The following PSMD11 variants were observed in gnomAD, a reference collection of about 807,000 sequenced individuals.
PSMD11 encodes proteasome 26S subunit, non-ATPase 11, also known as 26S proteasome non-ATPase regulatory subunit 11.
Under a neutral mutation model 62.3 loss-of-function variants are expected in PSMD11, and 5 were observed. That is an observed-to-expected ratio of 0.08 (90% CI 0.04 to 0.17). The LOEUF is 0.17. Ranked by LOEUF, PSMD11 falls within the 10% of genes least tolerant of loss-of-function variation. The pLI is 1.00. For synonymous variants in PSMD11, 191 were observed against 191.8 expected (o/e 1.00, Z 0.03); for missense variants, 310 against 512.9 (o/e 0.60, Z 3.82).
intron 2 of PSMD11, among the ~76,000 whole-genome samples, chr17:32,452,215 A>G (rs1467983206): frequency 2.6e-5 from 4 of 152,234 alleles, no homozygotes; most frequent in African/African-American, 4.8e-5. Flanking sequence ...AAAATTTACT[A>G]TCTGGCTCTT....
chr17:32,470,101 T>C (rs1350839467), intron 6 of PSMD11, among the ~76,000 whole-genome samples: 1 of 151,834 alleles, frequency 6.6e-6, no homozygotes, highest in Non-Finnish European at 1.5e-5. Flanking sequence ...CAGCCTCAAC[T>C]TCCTGGGCTC....
intron 3 of PSMD11, 24 bp downstream of exon 3, chr17:32,454,643 G>T (rs1331692316): frequency 6.2e-7 from 1 of 1,608,730 alleles, no homozygotes; most frequent in Non-Finnish European, 8.5e-7. Flanking sequence ...ATGACAGAAA[G>T]TAGACAATAT....
chr17:32,463,375 T>C (rs1907898968), intron 3 of PSMD11: 1 of 152,164 alleles, frequency 6.6e-6, no homozygotes, highest in Admixed American at 6.6e-5. Flanking sequence ...AAATTTTTTT[T>C]AAGACTAGTC....
At chr17:32,456,215 A>G (rs528295221) in intron 3 of PSMD11, among the ~76,000 whole-genome samples, 12 of 152,102 alleles carry the variant, frequency 7.9e-5, no homozygotes, top group African/African-American at 2.4e-4. Flanking sequence ...CTTAAAATAG[A>G]CTGATCAGTA....
chr17:32,462,762 C>T (rs1907878559), intron 3 of PSMD11, among the ~76,000 whole-genome samples: 1 of 152,288 alleles, frequency 6.6e-6, no homozygotes, highest in Admixed American at 6.5e-5. Flanking sequence ...TCTCGGCTCA[C>T]CGCAACCTCC....
chr17:32,480,609 A>AGT lies in PSMD11; in HGVS notation c.1247_1248insGT (p.Asn416LysfsTer7). The AGT allele has an allele frequency of 6.2e-7, 1 of 1,614,208 alleles. No homozygotes were observed. Among genetic ancestry groups the AGT allele is most frequent in the Non-Finnish European group, 8.5e-7 (1 of 1,180,034 alleles). On this transcript the variant is annotated frameshift_variant, in exon 13 of 14. Transcript: ENST00000261712. LOFTEE classifies it high-confidence loss of function. ...AGCAAAGTAGTGGATTCCCTCTACA[A>AGT]CAAAGCCAAGAAACTGACATAGGTG... is the stretch of plus-strand genomic sequence containing the variant.
At position 32,474,829 on chromosome 17, in the gene PSMD11, G is replaced by T. The variant is rs1908271551; in HGVS notation, c.849+5G>T. On this transcript the variant is annotated splice_donor_5th_base_variant and intron_variant, in intron 8 of 13. Coordinates refer to ENST00000261712, the MANE Select transcript of PSMD11 (RefSeq NM_002815.4). The stretch of plus-strand genomic sequence containing the variant: ...CTTCGGTATGCAGGGAGGCAGGTAG[G>T]GACTCCCTTGACTGCAGTTCTGCTC... The T allele has an allele frequency of 6.2e-7, 1 of 1,612,352 alleles. No individual in the cohort carries two copies. Among genetic ancestry groups the T allele is most frequent in the Non-Finnish European group, 8.5e-7 (1 of 1,178,590 alleles).
chr17:32,457,945 T>C (rs1907698933), intron 3 of PSMD11, among the ~76,000 whole-genome samples: 1 of 151,836 alleles, frequency 6.6e-6, no homozygotes, highest in African/African-American at 2.4e-5. Context: ...GGATTACAGG[T>C]GCCCGCCACT....
At chr17:32,469,472 C>T (rs1908096341) in intron 6 of PSMD11, among the ~76,000 whole-genome samples, 1 of 152,202 alleles carries the variant, frequency 6.6e-6, no homozygotes, top group South Asian at 2.1e-4. Flanking sequence ...AGCTCTTAGC[C>T]ACTTACTCAG....
In PSMD11 at chr17:32,480,470, G is replaced by T. The variant is rs751313992; in HGVS notation, c.1127-19G>T. The T allele has an allele frequency of 6.2e-7, 1 of 1,614,098 alleles. No homozygotes were observed. Among genetic ancestry groups the T allele is most frequent in the Admixed American group, 1.7e-5 (1 of 60,014 alleles). The stretch of plus-strand genomic sequence containing the variant: ...TCTAACCTCATCTTTTACCTGGGTT[G>T]CCCTTGTGTTTCTTGCAGGGATTTT... On this transcript the variant is annotated intron_variant, in intron 12 of 13. Transcript: ENST00000261712.
intron 3 of PSMD11, among the ~76,000 whole-genome samples, chr17:32,459,689 G>A (rs1162495611): frequency 6.6e-6 from 1 of 152,090 alleles, no homozygotes; most frequent in South Asian, 2.1e-4. Flanking sequence ...TTTTTGAGAT[G>A]GAGTCTTACT....
chr17:32,466,068 T>C (rs1180425107), intron 5 of PSMD11, among the ~76,000 whole-genome samples: 1 of 151,670 alleles, frequency 6.6e-6, no homozygotes, highest in Non-Finnish European at 1.5e-5. Context: ...TGATGTTGGC[T>C]CACTGCAACC....
At chr17:32,459,071 G>A (rs1387958854) in intron 3 of PSMD11, among the ~76,000 whole-genome samples, 1 of 143,222 alleles carries the variant, frequency 7.0e-6, no homozygotes, top group African/African-American at 2.6e-5. Context: ...CTCCAGCCCG[G>A]GCAAGAGTAA....
Position 32,469,173 on chromosome 17 carries a change from CCACCTTGGACAT to C in PSMD11, c.624_635del (p.Thr209_Met212del). 1 of 1,613,698 alleles carries C rather than the reference CCACCTTGGACAT, an allele frequency of 6.2e-7. No individual in the cohort carries two copies. The highest frequency in any genetic ancestry group is 8.5e-7 in the Non-Finnish European group (1 of 1,179,864). On this transcript the variant is annotated inframe_deletion, in exon 6 of 14. Transcript: ENST00000261712. ...ATCTACTGCCCCCCTAAATTGCAGG[CCACCTTGGACAT>C]GCAGTCGGGTAACAGACGTAGCTAT...
At chr17:32,476,277 A>G (rs1384129035) in intron 8 of PSMD11, among the ~76,000 whole-genome samples, 1 of 152,122 alleles carries the variant, frequency 6.6e-6, no homozygotes, top group East Asian at 1.9e-4. Flanking sequence ...AAAAAATAAT[A>G]AATAAGAAAG....
intron 2 of PSMD11, 139 bp downstream of exon 2, chr17:32,447,185 C>G: frequency 1.6e-6 from 1 of 630,880 alleles, no homozygotes; most frequent in Non-Finnish European, 2.6e-6. Flanking sequence ...AGTTTTTTAG[C>G]AGGCAATTAA....
chr17:32,468,104 A>AT (rs1908049283), intron 5 of PSMD11, among the ~76,000 whole-genome samples: 1 of 152,120 alleles, frequency 6.6e-6, no homozygotes. Context: ...CTCCAGCTCC[A>AT]TTCATGTTCC....
intron 12 of PSMD11, 128 bp downstream of exon 12, chr17:32,480,325 C>G (rs181735479): frequency 1.4e-6 from 2 of 1,455,152 alleles, no homozygotes; most frequent in African/African-American, 2.8e-5. Context: ...CCCCTCTTCC[C>G]TGTGATGAGA....
chr17:32,457,532 G>A (rs973665748), intron 3 of PSMD11, among the ~76,000 whole-genome samples: 4 of 152,160 alleles, frequency 2.6e-5, no homozygotes, highest in Admixed American at 6.5e-5. Context: ...CACTACGCCC[G>A]GCTAAGGCTG....
Sources: gnomAD v4.1 joint callset for allele counts (sites outside exome capture counted in the v4.1 genomes callset) on GRCh38, gnomAD v4.1.1 for gene constraint, MANE v1.5 for transcripts, NCBI Gene and HGNC (gene_info 2026-07-23, HGNC 2026-07-21) for gene names.